PCDHA1: variants seen among roughly 807,000 people sequenced by gnomAD.
The protein encoded by PCDHA1 is protocadherin alpha-1.
In PCDHA1, 42 loss-of-function variants were observed where a neutral mutation model predicts 61.3. The ratio of observed to expected loss-of-function variants is 0.69; its 90% CI spans 0.54 to 0.89. The LOEUF is 0.89. Among genes scored for constraint, PCDHA1 ranks in the 40% least tolerant of loss-of-function variants. PCDHA1 has a pLI of 0.00. For synonymous variants in PCDHA1, 610 were observed against 553.8 expected (o/e 1.10, Z -1.43); for missense variants, 1,256 against 1,235.3 (o/e 1.02, Z -0.25).
chr5:140,928,256 C>G (rs1192362928), intron 1 of PCDHA1: 19 of 1,614,116 alleles, frequency 1.2e-5, no homozygotes, highest in Non-Finnish European at 1.5e-5. Flanking sequence ...CTTTTCGTTG[C>G]TGAAAACAAT....
Position 140,993,501 on chromosome 5 carries a change from C to T in PCDHA1, c.2542+10938C>T, listed in dbSNP as rs560043353. Among the ~76,000 whole-genome samples, 25 of 149,100 alleles carry T rather than the reference C, an allele frequency of 1.7e-4. No homozygotes were observed. The East Asian group carries it at 3.5e-3, about 21-fold the overall frequency. ...ACACACACACACACACACACACACA[C>T]ACACACACGGGGAGAGAGAGACAGA... On this transcript the variant is annotated intron_variant, in intron 3 of 3. Transcript: ENST00000504120.
chr5:140,808,191 G>A lies in PCDHA1; in HGVS notation c.2394+19507G>A, dbSNP rs782610577. ...CAGCTCCCACTTTCTGGCCATTGTAGAGTTATTGTGGAAGTAGAAGACAAC... is the reference window on the plus strand; with the variant it reads ...CAGCTCCCACTTTCTGGCCATTGTAAAGTTATTGTGGAAGTAGAAGACAAC... On this transcript the variant is annotated intron_variant, in intron 1 of 3. Coordinates refer to ENST00000504120, the MANE Select transcript of PCDHA1 (RefSeq NM_018900.4). 6.2e-6 allele frequency: 10 copies of A among 1,614,230 alleles called. No homozygotes were observed. In the South Asian group the frequency reaches 8.8e-5, roughly 14 times the overall value.
chr5:140,973,391 A>G (rs1466546487), intron 1 of PCDHA1, among the ~76,000 whole-genome samples: 1 of 152,232 alleles, frequency 6.6e-6, no homozygotes, highest in East Asian at 1.9e-4. Context: ...AGACAAAGAA[A>G]TCATATCTAT....
In PCDHA1 at chr5:140,982,461, G is replaced by A. The variant is rs765899879; in HGVS notation, c.2454-14G>A. The A allele has an allele frequency of 4.7e-5, 76 of 1,614,088 alleles. No individual in the cohort carries two copies. The highest frequency in any genetic ancestry group is 5.8e-5 in the Non-Finnish European group (68 of 1,180,014). On this transcript the variant is annotated splice_polypyrimidine_tract_variant and intron_variant, in intron 2 of 3. Coordinates refer to ENST00000504120, the MANE Select transcript of PCDHA1 (RefSeq NM_018900.4). ...TATGATCTAACCGTTATCTGGGTCTGTGTGTTTATTCAGCTCTGTGCACCT... is the reference window on the plus strand; with the variant it reads ...TATGATCTAACCGTTATCTGGGTCTATGTGTTTATTCAGCTCTGTGCACCT...
chr5:140,835,504 T>A (rs2150237021), intron 1 of PCDHA1: 1 of 1,613,936 alleles, frequency 6.2e-7, no homozygotes, highest in African/African-American at 1.3e-5. Flanking sequence ...TTGATTAGCG[T>A]GTTTGACCGA....
At chr5:140,941,901 GA>G (rs782298792) in intron 1 of PCDHA1, among the ~76,000 whole-genome samples, 1 of 152,130 alleles carries the variant, frequency 6.6e-6, no homozygotes, top group African/African-American at 2.4e-5. Context: ...AAGTAACATT[GA>G]AATGCTTTTA....
chr5:140,871,137 T>C, intron 1 of PCDHA1: 1 of 1,613,416 alleles, frequency 6.2e-7, no homozygotes, highest in East Asian at 2.2e-5. Flanking sequence ...CAAAGGCCTC[T>C]TCCCGGACTT....
At chr5:140,843,846 C>A in intron 1 of PCDHA1, 3 of 993,808 alleles carry the variant, frequency 3.0e-6, no homozygotes, top group Non-Finnish European at 4.4e-6. Context: ...TTTTAGAAAC[C>A]TTTTATAATT....
At chr5:140,871,564 C>A (rs782409405) in intron 1 of PCDHA1, 7 of 1,482,594 alleles carry the variant, frequency 4.7e-6, no homozygotes, top group Non-Finnish European at 6.3e-6. Context: ...TTTTTTTTCA[C>A]GGATTTTTTA....
At chr5:140,830,260 C>T in intron 1 of PCDHA1, 1 of 1,613,632 alleles carries the variant, frequency 6.2e-7, no homozygotes, top group Non-Finnish European at 8.5e-7. Context: ...CGCTGCGGTG[C>T]TCGGCGCCAC....
chr5:140,966,750 C>A, intron 1 of PCDHA1: 1 of 1,428,438 alleles, frequency 7.0e-7, no homozygotes, highest in South Asian at 1.5e-5. Flanking sequence ...CGGCTGCCTC[C>A]GCCGCGGCCA....
intron 2 of PCDHA1, among the ~76,000 whole-genome samples, chr5:140,979,789 C>CAAAT (rs1244398411): frequency 2.6e-5 from 4 of 152,148 alleles, no homozygotes; most frequent in African/African-American, 9.7e-5. Context: ...GACCAAGAAA[C>CAAAT]AAATGATCAC....
chr5:141,000,926 G>T (rs1554257936), intron 3 of PCDHA1, among the ~76,000 whole-genome samples: 1 of 151,956 alleles, frequency 6.6e-6, no homozygotes, highest in Non-Finnish European at 1.5e-5. Flanking sequence ...AAAATCCTGT[G>T]TGATTTAGGA....
chr5:140,823,820 C>G, intron 1 of PCDHA1: 1 of 1,613,790 alleles, frequency 6.2e-7, no homozygotes, highest in Non-Finnish European at 8.5e-7. Context: ...TCGCGGGCGT[C>G]GGCGGGCGCT....
At chr5:140,803,275 T>A in intron 1 of PCDHA1, 1 of 1,614,018 alleles carries the variant, frequency 6.2e-7, no homozygotes, top group South Asian at 1.1e-5. Context: ...GAAGCTGCAC[T>A]GGTGGATGTC....
intron 3 of PCDHA1, among the ~76,000 whole-genome samples, chr5:141,000,552 C>T (rs2097946627): frequency 1.3e-5 from 2 of 149,102 alleles, no homozygotes; most frequent in Admixed American, 1.3e-4. Context: ...CTCAAACTCC[C>T]GAGTAGCTGG....
chr5:140,858,033 C>T (rs1249815194), intron 1 of PCDHA1: 2 of 1,597,066 alleles, frequency 1.3e-6, no homozygotes, highest in Non-Finnish European at 1.7e-6. Context: ...ACGGCCACGG[C>T]CACTGTGCTT....
At chr5:140,870,388 G>C in intron 1 of PCDHA1, 1 of 1,614,232 alleles carries the variant, frequency 6.2e-7, no homozygotes, top group Non-Finnish European at 8.5e-7. Flanking sequence ...TGCGCGGGAT[G>C]GGGGTTCGCC....
intron 1 of PCDHA1, among the ~76,000 whole-genome samples, chr5:140,963,902 A>G (rs1227304928): frequency 6.6e-6 from 1 of 152,218 alleles, no homozygotes; most frequent in Non-Finnish European, 1.5e-5. Flanking sequence ...AAATGAGTAA[A>G]GTGAAGCTTA....
Sources: allele counts gnomAD v4.1 joint callset (sites outside exome capture counted in the v4.1 genomes callset), GRCh38; gene constraint gnomAD v4.1.1; transcripts MANE v1.5; gene names NCBI Gene and HGNC (gene_info 2026-07-23, HGNC 2026-07-21).